The following CCDC3 variants were observed in gnomAD, a reference collection of about 807,000 sequenced individuals.
The protein encoded by CCDC3 is coiled-coil domain containing 3.
CCDC3 carries 24 observed loss-of-function variants against 21.4 expected under a neutral mutation model. The ratio of observed to expected loss-of-function variants is 1.12; its 90% confidence interval spans 0.81 to 1.58. CCDC3 has a LOEUF of 1.58. Ranked by LOEUF, CCDC3 falls within the 40% of genes most tolerant of loss-of-function variation. The pLI is 0.00. For synonymous variants in CCDC3, 186 were observed against 166.0 expected (o/e 1.12, Z -0.93); for missense variants, 425 against 360.9 (o/e 1.18, Z -1.44).
chr10:13,097,080 G>C (rs771298993), intron 3 of CCDC3, among the ~76,000 whole-genome samples: 43 of 152,186 alleles, frequency 2.8e-4, no homozygotes, highest in Non-Finnish European at 5.9e-5. Flanking sequence ...AGAGGAGATT[G>C]GGGTGGAAAG....
chr10:12,996,699 A>G (rs1204428598), intron 2 of CCDC3, among the ~76,000 whole-genome samples: 1 of 152,140 alleles, frequency 6.6e-6, no homozygotes, highest in Non-Finnish European at 1.5e-5. Context: ...GAGCATGAAG[A>G]AGGCCTCCAG....
intron 5 of CCDC3, among the ~76,000 whole-genome samples, chr10:13,028,687 GC>G (rs1564325625): frequency 6.6e-6 from 1 of 152,102 alleles, no homozygotes; most frequent in Admixed American, 6.5e-5. Context: ...TGCCCCACAC[GC>G]CAAACAACTG....
intron 4 of CCDC3, chr10:13,058,172 C>T: frequency 9.7e-7 from 1 of 1,029,024 alleles, no homozygotes; most frequent in Non-Finnish European, 1.5e-6. Flanking sequence ...AGACAAGCCT[C>T]CATCCACAGC....
intron 4 of CCDC3, chr10:13,058,449 C>G (rs370438372): frequency 9.2e-6 from 7 of 759,274 alleles, no homozygotes; most frequent in Non-Finnish European, 1.4e-5. Context: ...GCATATGCTG[C>G]GCAGACTATC....
chr10:13,035,548 A>C (rs1387965041), intron 5 of CCDC3, among the ~76,000 whole-genome samples: 1 of 152,208 alleles, frequency 6.6e-6, no homozygotes, highest in Non-Finnish European at 1.5e-5. Context: ...CCTGTGAGTT[A>C]GTTAAGGGCA....
intron 2 of CCDC3, among the ~76,000 whole-genome samples, chr10:12,910,611 A>AAAAAAT (rs1554753179): frequency 9.5e-6 from 1 of 105,176 alleles, no homozygotes; most frequent in Non-Finnish European, 1.9e-5. Context: ...AAAAAAAAAA[A>AAAAAAT]TTTTTTTTTT....
rs376459779 is a variant in CCDC3, at chr10:12,948,728, G to GGT, written c.549+49609_549+49610insAC. 9.9e-5 allele frequency among the ~76,000 whole-genome samples: 9 copies of GGT among 91,082 alleles called. No homozygotes were observed. In the South Asian group the frequency reaches 1.7e-3, roughly 17 times the overall value. 59.8% of individuals were successfully genotyped at this position (91,082 alleles called of 152,430 possible). A position where few individuals can be genotyped will look rare whatever the true frequency, so the allele number is the denominator to read the frequency against. Reference sequence around the variant, plus strand: ...AATTTAAGTCCTCATTTTTAAGGCAGTTTTTTTTTTTTTTTTTTTTTTGAG... The same window carrying GGT: ...AATTTAAGTCCTCATTTTTAAGGCAGGTTTTTTTTTTTTTTTTTTTTTTTGAG... On this transcript the variant is annotated intron_variant, in intron 2 of 2. Transcript: ENST00000378825.
At chr10:12,958,206 A>G (rs766203224) in intron 2 of CCDC3, among the ~76,000 whole-genome samples, 5 of 152,130 alleles carry the variant, frequency 3.3e-5, no homozygotes, top group Non-Finnish European at 5.9e-5. Context: ...ACAAAAGTAA[A>G]CAAACAAACA....
chr10:12,900,949 C>T (rs1009299092), intron 2 of CCDC3, among the ~76,000 whole-genome samples: 5 of 152,106 alleles, frequency 3.3e-5, no homozygotes, highest in South Asian at 2.1e-4. Context: ...GACCGATAGC[C>T]GATAGCCCTA....
At chr10:12,983,019 CAAG>C (rs765754632) in intron 2 of CCDC3, among the ~76,000 whole-genome samples, 153 of 149,618 alleles carry the variant, frequency 1.0e-3, no homozygotes, top group Non-Finnish European at 1.9e-3. Context: ...GGCTGAGGCA[CAAG>C]AATGGCTTAA....
chr10:13,097,934 C>T (rs758500440), intron 3 of CCDC3, among the ~76,000 whole-genome samples: 1 of 152,166 alleles, frequency 6.6e-6, no homozygotes, highest in African/African-American at 2.4e-5. Flanking sequence ...AATAGCTTTC[C>T]ATCAGTTGGG....
intron 2 of CCDC3, among the ~76,000 whole-genome samples, chr10:12,934,923 C>T (rs1463529753): frequency 1.3e-5 from 2 of 151,918 alleles, no homozygotes; most frequent in African/African-American, 4.8e-5. Flanking sequence ...ACCACCATGC[C>T]CAGTCTTATC....
chr10:12,966,560 G>C (rs927092169), intron 2 of CCDC3, among the ~76,000 whole-genome samples: 1 of 152,132 alleles, frequency 6.6e-6, no homozygotes, highest in African/African-American at 2.4e-5. Flanking sequence ...TCCCAGTCCA[G>C]TCTGCTTCTT....
At chr10:12,921,247 ACT>A (rs1333549810) in intron 2 of CCDC3, among the ~76,000 whole-genome samples, 3 of 152,136 alleles carry the variant, frequency 2.0e-5, no homozygotes, top group Non-Finnish European at 2.9e-5. Context: ...GCTTTTAAAA[ACT>A]CACAGTTAAT....
chr10:12,982,121 CAAAAAAAAAAAAAA>C (rs71386135), intron 2 of CCDC3, among the ~76,000 whole-genome samples: 12 of 33,252 alleles, frequency 3.6e-4, no homozygotes, highest in South Asian at 2.8e-3. Flanking sequence ...GACTCTGTCT[CAAAAAAAAAAAAAA>C]AAAAAAAAAA....
Position 12,898,647 on chromosome 10 carries a change from A to T in CCDC3, c.582T>A (p.Phe194Leu). 1 of 1,614,156 alleles carries T rather than the reference A, an allele frequency of 6.2e-7. No homozygotes were observed. Among genetic ancestry groups the T allele is most frequent in the Non-Finnish European group, 8.5e-7 (1 of 1,180,006 alleles). ...LMCSSVQKAL[F>L]EEEDHVKKLQ... is the part of the protein sequence containing the mutation. The stretch of plus-strand genomic sequence containing the variant: ...GTTTCTTGACGTGGTCCTCCTCCTC[A>T]AACAAGGCCTTCTGCACCGAGGAGC... Residue 194 changes from phenylalanine to leucine, a missense_variant, in exon 3 of 3, where the codon TTT becomes TTA. Physicochemically the swap from Phe to Leu is conservative, Grantham distance 22. Transcript: ENST00000378825.
intron 2 of CCDC3, among the ~76,000 whole-genome samples, chr10:12,903,783 G>T (rs1025186922): frequency 6.6e-6 from 1 of 152,176 alleles, no homozygotes; most frequent in African/African-American, 2.4e-5. Flanking sequence ...AAGTTAGGCT[G>T]GGATATCCAT....
chr10:13,078,917 G>A (rs1372868948), intron 3 of CCDC3, among the ~76,000 whole-genome samples: 3 of 151,974 alleles, frequency 2.0e-5, no homozygotes, highest in African/African-American at 7.3e-5. Flanking sequence ...TGTAAATGAC[G>A]AGTTAATGGG....
At chr10:13,042,271 T>C (rs747908392) in intron 5 of CCDC3, among the ~76,000 whole-genome samples, 1 of 152,236 alleles carries the variant, frequency 6.6e-6, no homozygotes, top group Non-Finnish European at 1.5e-5. Context: ...CTGCAAATCA[T>C]TGCTAATTGT....
Sources: gnomAD v4.1 joint callset for allele counts (sites outside exome capture counted in the v4.1 genomes callset) on GRCh38, gnomAD v4.1.1 for gene constraint, MANE v1.5 for transcripts, NCBI Gene and HGNC (gene_info 2026-07-23, HGNC 2026-07-21) for gene names.